ATR: variants seen among roughly 807,000 people sequenced by gnomAD.
ATR encodes serine/threonine-protein kinase ATR.
Under a neutral mutation model 305.3 loss-of-function variants are expected in ATR, and 142 were observed. The observed-to-expected ratio is 0.47, with a 90% CI of 0.41 to 0.53. The LOEUF (loss-of-function observed/expected upper bound fraction) is 0.53. ATR is among the 20% of genes least tolerant of loss of function. The probability of loss-of-function intolerance (pLI) is 0.00; values close to 1 mark genes in which losing one functional copy is unlikely to be tolerated. For synonymous variants in ATR, 1,050 were observed against 1,068.1 expected (o/e 0.98, Z 0.33); for missense variants, 2,135 against 3,133.1 (o/e 0.68, Z 7.60).
Position 142,503,392 on chromosome 3 carries a change from A to G in ATR, c.5258T>C (p.Ile1753Thr), listed in dbSNP as rs1487028888. The G allele has an allele frequency of 1.2e-6, 2 of 1,608,690 alleles. No homozygotes were observed. Among genetic ancestry groups the G allele is most frequent in the Non-Finnish European group, 1.7e-6 (2 of 1,175,200 alleles). Reference protein sequence around the residue: ...MLGLGQLSTVITQVNGVHANR... With the variant: ...MLGLGQLSTVTTQVNGVHANR... ...AGCATGCACTCCATTCACCTGAGTGATAACAGTAGACAGCTGACCAAGACC... is the reference window on the plus strand; with the variant it reads ...AGCATGCACTCCATTCACCTGAGTGGTAACAGTAGACAGCTGACCAAGACC... Residue 1753 changes from isoleucine (I) to threonine (T), a missense_variant, in exon 30 of 47, where the codon ATC (isoleucine) becomes ACC (threonine). Around this residue, in one of 9 missense-constraint regions of ATR, gnomAD observed 117 missense variants for 198.3 expected, o/e 0.59. Coordinates refer to ENST00000350721, the MANE Select transcript of ATR (RefSeq NM_001184.4).
intron 12 of ATR, 64 bp downstream of exon 12, chr3:142,553,576 A>C (rs1184252176): frequency 6.7e-7 from 1 of 1,493,008 alleles, no homozygotes; most frequent in East Asian, 2.3e-5. Context: ...TTTTAACAGC[A>C]AGCAAATAAA....
In ATR at chr3:142,493,187, C is replaced by A. The variant is rs145569221; in HGVS notation, c.6023G>T (p.Arg2008Leu). 6.2e-4 allele frequency: 998 copies of A among 1,612,864 alleles called. 3 individuals are homozygous for A. The highest frequency in any genetic ancestry group is 8.0e-4 in the Non-Finnish European group (947 of 1,179,508). Residue 2008 changes from arginine (R) to leucine (L), a missense_variant, in exon 35 of 47, where the codon CGA becomes CTA. Arg to Leu is a moderately radical substitution (Grantham distance 102). Transcript: ENST00000350721. ...IHGRAMLLVG[R>L]FMEETANFES... is the part of the protein sequence containing the mutation. The stretch of plus-strand genomic sequence containing the variant: ...AAAGTTAGCTGTTTCTTCCATAAAT[C>A]GGCCCACTAGTAGCATAGCTCGACC...
chr3:142,449,356 C>A lies in ATR; in HGVS notation c.*73G>T. 1 of 1,405,824 alleles carries A rather than the reference C, an allele frequency of 7.1e-7. No individual in the cohort carries two copies. Among genetic ancestry groups the A allele is most frequent in the Non-Finnish European group, 1.0e-6 (1 of 996,920 alleles). The allele number at this position is 1,405,824 out of a possible 1,614,324, so 87.1% of individuals were successfully genotyped here. A position where few individuals can be genotyped will look rare whatever the true frequency, so the allele number is the denominator to read the frequency against. On this transcript the variant is annotated 3_prime_UTR_variant, in exon 47 of 47. Transcript: ENST00000350721. ...ATTTATGTTGTACTTTAGAATTGAA[C>A]AGATACAACCACAGATTCATACCAA...
At chr3:142,521,086 T>C (rs1308148936) in intron 23 of ATR, among the ~76,000 whole-genome samples, 1 of 152,174 alleles carries the variant, frequency 6.6e-6, no homozygotes, top group Non-Finnish European at 1.5e-5. Context: ...ATGCGTCTAC[T>C]ATATACCCAT....
At chr3:142,496,085 T>C (rs1290113811) in intron 34 of ATR, among the ~76,000 whole-genome samples, 1 of 151,170 alleles carries the variant, frequency 6.6e-6, no homozygotes. Flanking sequence ...AAATGTAAGA[T>C]AGATGAAAAC....
In ATR at chr3:142,562,828, C is replaced by G. The variant is rs2034932106; in HGVS notation, c.574G>C (p.Ala192Pro). ...TGCATACTCATCAACTGCAAAGGAG[C>G]TGATTGTAAATATCCCATGTGTTCA... The part of the protein sequence containing the change: ...LDEHMGYLQS[A>P]PLQLMSMQNL... Residue 192 changes from alanine to proline, a missense_variant, in exon 4 of 47, where the codon GCT becomes CCT. Around this residue, in one of 9 missense-constraint regions of ATR, gnomAD observed 744 missense variants for 873.2 expected, o/e 0.85. Transcript: ENST00000350721. The G allele has an allele frequency of 6.2e-7, 1 of 1,606,548 alleles. No individual in the cohort carries two copies. The highest frequency in any genetic ancestry group is 1.3e-5 in the African/African-American group (1 of 74,478).
intron 16 of ATR, among the ~76,000 whole-genome samples, chr3:142,545,899 G>C (rs886868066): frequency 2.0e-5 from 3 of 152,104 alleles, no homozygotes; most frequent in Non-Finnish European, 2.9e-5. Context: ...ATTAGAAAGG[G>C]AAAATAAAGA....
At chr3:142,540,501 A>G (rs897262587) in intron 18 of ATR, among the ~76,000 whole-genome samples, 1 of 152,186 alleles carries the variant, frequency 6.6e-6, no homozygotes, top group Non-Finnish European at 1.5e-5. Flanking sequence ...GCTAAGTATA[A>G]TAATTCATGA....
Position 142,523,197 on chromosome 3 carries a change from G to A in ATR, c.4153-356C>T, listed in dbSNP as rs113008461. 8.7e-3 allele frequency among the ~76,000 whole-genome samples: 1,327 copies of A among 152,176 alleles called. 24 individuals are homozygous for A. Among genetic ancestry groups the A allele is most frequent in the African/African-American group, 0.029 (1,216 of 41,512 alleles). On this transcript the variant is annotated intron_variant, in intron 22 of 46. Coordinates refer to ENST00000350721, the MANE Select transcript of ATR (RefSeq NM_001184.4). ...AGCATTCTGGGAGGCCAAGGAGAGC[G>A]GATCATGAGGTCAGGAGTTCAAGAC...
chr3:142,576,728 G>T (rs1018870515), intron 1 of ATR, among the ~76,000 whole-genome samples: 1 of 152,144 alleles, frequency 6.6e-6, no homozygotes, highest in Non-Finnish European at 1.5e-5. Context: ...TAGAAGACAT[G>T]ATTTGGAGAA....
chr3:142,450,835 C>G, intron 46 of ATR: 4 of 1,369,130 alleles, frequency 2.9e-6, no homozygotes, highest in Non-Finnish European at 3.8e-6. Context: ...AGCTTCCGTT[C>G]AGTTGCCATT....
chr3:142,456,871 A>G (rs1214064398), intron 45 of ATR, among the ~76,000 whole-genome samples: 1 of 152,216 alleles, frequency 6.6e-6, no homozygotes, highest in Non-Finnish European at 1.5e-5. Context: ...AAAGTGTTAC[A>G]ACTGCTTTGG....
intron 24 of ATR, among the ~76,000 whole-genome samples, chr3:142,519,365 A>T (rs2033044848): frequency 6.6e-6 from 1 of 151,890 alleles, no homozygotes; most frequent in African/African-American, 2.4e-5. Context: ...GCAATGGCAC[A>T]ATCTCGGCTC....
chr3:142,497,306 T>C, intron 32 of ATR, 114 bp from the exon 33 acceptor site: 2 of 1,068,740 alleles, frequency 1.9e-6, no homozygotes, highest in Non-Finnish European at 2.7e-6. Context: ...ACAGTTGTCT[T>C]TGGTAGAACT....
intron 36 of ATR, among the ~76,000 whole-genome samples, chr3:142,482,463 A>T (rs182856017): frequency 5.8e-4 from 89 of 152,352 alleles, no homozygotes; most frequent in Admixed American, 5.6e-3. Context: ...AAATGTGTTA[A>T]GTAAATTCTA....
intron 16 of ATR, among the ~76,000 whole-genome samples, 187 bp from the exon 17 acceptor site, chr3:142,542,944 T>C (rs1202967484): frequency 6.6e-6 from 1 of 152,168 alleles, no homozygotes; most frequent in Admixed American, 6.5e-5. Flanking sequence ...AAGAAACATG[T>C]AGTATTTAAA....
intron 16 of ATR, among the ~76,000 whole-genome samples, 162 bp downstream of exon 16, chr3:142,547,563 C>T (rs1266817018): frequency 2.0e-5 from 3 of 152,000 alleles, no homozygotes; most frequent in Non-Finnish European, 4.4e-5. Flanking sequence ...CATGTGACCA[C>T]GTGATTTAAA....
intron 3 of ATR, among the ~76,000 whole-genome samples, chr3:142,563,322 TGTG>T (rs1012221482): frequency 2.6e-5 from 4 of 152,228 alleles, no homozygotes; most frequent in African/African-American, 7.2e-5. Context: ...AATTGAAGGT[TGTG>T]GTAACTCTGC....
intron 35 of ATR, among the ~76,000 whole-genome samples, chr3:142,487,646 T>G (rs2031025629): frequency 6.6e-6 from 1 of 152,210 alleles, no homozygotes; most frequent in Non-Finnish European, 1.5e-5. Flanking sequence ...CATTCTTGTG[T>G]TTATCCTCTG....
Sources: gnomAD v4.1 joint callset for allele counts (sites outside exome capture counted in the v4.1 genomes callset) on GRCh38, gnomAD v4.1.1 for gene constraint, gnomAD v4.1.1 regional missense constraint, MANE v1.5 for transcripts, NCBI Gene and HGNC (gene_info 2026-07-23, HGNC 2026-07-21) for gene names.